Variants in LRRC37A2 observed in about 807,000 individuals in gnomAD.
The protein encoded by LRRC37A2 is leucine rich repeat containing 37 member A2, also known as leucine-rich repeat-containing protein 37A2.
LRRC37A2 carries 9 observed loss-of-function variants against 68.8 expected under a neutral mutation model. The ratio of observed to expected loss-of-function variants is 0.13; its 90% confidence interval spans 0.08 to 0.23. LRRC37A2 has a LOEUF of 0.23. Among genes scored for constraint, LRRC37A2 ranks in the 10% least tolerant of loss-of-function variants. LRRC37A2 has a pLI of 1.00. For missense variants in LRRC37A2, 168 were observed against 950.4 expected, an observed-to-expected ratio of 0.18 and a Z score of 10.82; for synonymous variants, 63 against 367.6, an observed-to-expected ratio of 0.17 and a Z score of 9.48.
chr17:46,755,862 G>A, the LRRC37A2 span: 3 of 1,603,642 alleles, frequency 1.9e-6, no homozygotes, highest in South Asian at 1.1e-5. Flanking sequence ...CAAGGGAAGT[G>A]ACCAAGGTGA....
At chr17:46,772,771 A>T in the LRRC37A2 span, among the ~76,000 whole-genome samples, 1 of 151,106 alleles carries the variant, frequency 6.6e-6, no homozygotes, top group South Asian at 2.1e-4. Context: ...TTCCCCCCCA[A>T]CCCCACCCAG....
At chr17:46,733,993 T>C in the LRRC37A2 span, among the ~76,000 whole-genome samples, 4 of 152,202 alleles carry the variant, frequency 2.6e-5, no homozygotes, top group African/African-American at 9.7e-5. Flanking sequence ...ATTCTCAGGA[T>C]GGGGACTTGG....
chr17:46,785,256 G>A, the LRRC37A2 span, among the ~76,000 whole-genome samples: 8 of 152,246 alleles, frequency 5.3e-5, no homozygotes, highest in Non-Finnish European at 1.0e-4. Flanking sequence ...TATCCCTCAC[G>A]TTGCCTCGGC....
At chr17:47,002,502 T>C in the LRRC37A2 span, among the ~76,000 whole-genome samples, 1 of 152,206 alleles carries the variant, frequency 6.6e-6, no homozygotes, top group East Asian at 1.9e-4. Context: ...GCATTTCTCC[T>C]GCCTCAGCCT....
At chr17:46,526,396 A>G (rs1338962071) in intron 6 of LRRC37A2, among the ~76,000 whole-genome samples, 1 of 101,602 alleles carries the variant, frequency 9.8e-6, no homozygotes, top group Non-Finnish European at 2.1e-5. Flanking sequence ...ACAAACAAAA[A>G]AAGAGGCCCC....
At chr17:46,389,309 A>G in the LRRC37A2 span, among the ~76,000 whole-genome samples, 1 of 129,046 alleles carries the variant, frequency 7.7e-6, no homozygotes, top group Non-Finnish European at 1.7e-5. Context: ...GAAAGATAGA[A>G]AGCAAAAGGA....
the LRRC37A2 span, among the ~76,000 whole-genome samples, chr17:46,494,564 T>C: frequency 4.0e-5 from 6 of 150,962 alleles, no homozygotes; most frequent in African/African-American, 1.5e-4. Context: ...TTATATTGTT[T>C]CGATTATTAG....
the LRRC37A2 span, among the ~76,000 whole-genome samples, chr17:47,025,319 C>T: frequency 6.6e-6 from 1 of 152,038 alleles, no homozygotes; most frequent in Non-Finnish European, 1.5e-5. Context: ...ATGGAGACCA[C>T]CTGCATTCAT....
chr17:46,490,290 A>C, the LRRC37A2 span, among the ~76,000 whole-genome samples: 75 of 151,432 alleles, frequency 5.0e-4, 3 homozygotes, highest in Middle Eastern at 3.4e-3. Context: ...AACTTTATTT[A>C]CAAAAACAGG....
the LRRC37A2 span, among the ~76,000 whole-genome samples, chr17:46,862,966 T>C: frequency 7.8e-4 from 119 of 152,334 alleles, no homozygotes; most frequent in African/African-American, 2.7e-3. Context: ...CAAGCACAGA[T>C]CTTCCCCAGG....
chr17:46,722,237 A>G, the LRRC37A2 span: 1 of 1,231,620 alleles, frequency 8.1e-7, no homozygotes, highest in East Asian at 2.3e-5. Context: ...GCACGTCAAA[A>G]TCCCTACATT....
chr17:47,035,988 T>C, the LRRC37A2 span, among the ~76,000 whole-genome samples: 1 of 152,374 alleles, frequency 6.6e-6, no homozygotes, highest in Admixed American at 6.5e-5. Context: ...ATCCTCTGCC[T>C]CTGCCCATTT....
the LRRC37A2 span, among the ~76,000 whole-genome samples, chr17:46,740,650 C>A: frequency 6.6e-6 from 1 of 150,794 alleles, no homozygotes; most frequent in South Asian, 2.1e-4. Flanking sequence ...GTCAGTACAA[C>A]TTTATCTTTT....
chr17:46,812,207 C>G, the LRRC37A2 span, among the ~76,000 whole-genome samples: 15 of 152,286 alleles, frequency 9.8e-5, no homozygotes, highest in South Asian at 3.1e-3. Flanking sequence ...AGGGAATTCC[C>G]TCTCTGGCAG....
chr17:46,985,442 C>T, the LRRC37A2 span, among the ~76,000 whole-genome samples: 1 of 151,822 alleles, frequency 6.6e-6, no homozygotes, highest in East Asian at 1.9e-4. Context: ...ATTGCTTGAA[C>T]CTGGGAGGCG....
chr17:46,920,399 G>T, the LRRC37A2 span, among the ~76,000 whole-genome samples: 1 of 152,080 alleles, frequency 6.6e-6, no homozygotes, highest in Admixed American at 6.5e-5. Context: ...TCTGTGCATG[G>T]TACATTGTAG....
At chr17:47,000,018 TAAA>T in the LRRC37A2 span, among the ~76,000 whole-genome samples, 4 of 74,314 alleles carry the variant, frequency 5.4e-5, no homozygotes, top group African/African-American at 2.1e-4. Flanking sequence ...TAAAATAAAA[TAAA>T]ATAAAATAAA....
At chr17:46,606,179 C>CA in the LRRC37A2 span, among the ~76,000 whole-genome samples, 88 of 2,884 alleles carry the variant, frequency 0.031, 1 homozygote, top group African/African-American at 0.17. Context: ...AACTCCGTCT[C>CA]AAAAAAAAAA....
the LRRC37A2 span, among the ~76,000 whole-genome samples, chr17:46,962,227 G>T: frequency 1.1e-3 from 162 of 152,094 alleles, 1 homozygote; most frequent in Non-Finnish European, 1.7e-3. Context: ...TACTCAGGAG[G>T]CTGAGGCAGG....
Sources: allele counts gnomAD v4.1 joint callset (sites outside exome capture counted in the v4.1 genomes callset), GRCh38; gene constraint gnomAD v4.1.1; transcripts MANE v1.5; gene names NCBI Gene and HGNC (gene_info 2026-07-23, HGNC 2026-07-21).